TSGA10: variants seen among roughly 807,000 people sequenced by gnomAD.
TSGA10 encodes testis specific 10.
Under a neutral mutation model 96.6 loss-of-function variants are expected in TSGA10, and 43 were observed. The ratio of observed to expected loss-of-function variants is 0.44; its 90% confidence interval spans 0.35 to 0.57. TSGA10 has a LOEUF of 0.57. Ranked by LOEUF, TSGA10 falls within the 20% of genes least tolerant of loss-of-function variation. TSGA10 has a pLI of 0.01. For missense variants in TSGA10, 703 were observed against 834.4 expected, an observed-to-expected ratio of 0.84 and a Z score of 1.94; for synonymous variants, 229 against 269.9, an observed-to-expected ratio of 0.85 and a Z score of 1.48.
intron 11 of TSGA10, among the ~76,000 whole-genome samples, chr2:99,080,979 G>T (rs55790299): frequency 1.3e-5 from 2 of 152,082 alleles, no homozygotes; most frequent in Non-Finnish European, 2.9e-5. Context: ...AGCAGCTATG[G>T]ACAAGCTACA....
At chr2:99,110,768 A>T (rs2091734503) in intron 5 of TSGA10, 82 bp downstream of exon 5, 1 of 285,014 alleles carries the variant, frequency 3.5e-6, no homozygotes, top group Admixed American at 6.5e-5. Flanking sequence ...AAAACGTGTG[A>T]GAGCCAAAGA....
At chr2:99,022,301 G>A (rs943171810) in intron 17 of TSGA10, among the ~76,000 whole-genome samples, 5 of 134,250 alleles carry the variant, frequency 3.7e-5, no homozygotes, top group Non-Finnish European at 6.1e-5. Context: ...CTCCAGCCTC[G>A]GCCACTGAAG....
rs530893154 is a variant in TSGA10 at position 99,078,367 on chromosome 2, T to A, written c.882+292A>T. Among the ~76,000 whole-genome samples, 9 of 151,876 alleles carry A rather than the reference T, an allele frequency of 5.9e-5. No individual in the cohort carries two copies. In the East Asian group the frequency reaches 1.7e-3, roughly 29 times the overall value. ...GCTTTTAAGAAGAAATCAGTCTCAC[T>A]ACTTTATTGTCATGCTTTATATTTT... is the stretch of plus-strand genomic sequence containing the variant. On this transcript the variant is annotated intron_variant, in intron 12 of 20. Coordinates refer to ENST00000393483, the MANE Select transcript of TSGA10 (RefSeq NM_025244.4).
rs1255993135 is a variant in TSGA10 at position 98,997,940 on chromosome 2, G to C, written c.*257C>G. ...TACTCCAGATAGTGAACAGAATAGT[G>C]TTCAATAGTGAAGTAAGCAGATTTT... On this transcript the variant is annotated 3_prime_UTR_variant, in exon 21 of 21. Coordinates refer to ENST00000393483, the MANE Select transcript of TSGA10 (RefSeq NM_025244.4). The C allele has an allele frequency of 2.7e-6, 1 of 371,390 alleles. No homozygotes were observed. The highest frequency in any genetic ancestry group is 4.8e-6 in the Non-Finnish European group (1 of 208,740). 23.0% of individuals were successfully genotyped at this position (371,390 alleles called of 1,614,324 possible). A position where few individuals can be genotyped will look rare whatever the true frequency, so the allele number is the denominator to read the frequency against.
intron 13 of TSGA10, 148 bp downstream of exon 13, chr2:99,072,870 G>T: frequency 3.8e-6 from 2 of 522,552 alleles, no homozygotes; most frequent in Non-Finnish European, 6.9e-6. Flanking sequence ...CCCTCTTTTA[G>T]TTCCTTAGAC....
intron 16 of TSGA10, among the ~76,000 whole-genome samples, chr2:99,055,674 G>A (rs986018278): frequency 6.6e-6 from 1 of 151,820 alleles, no homozygotes; most frequent in African/African-American, 2.4e-5. Context: ...GAAAGAGAGA[G>A]GGAGAGAGAG....
chr2:99,072,416 G>T (rs1380679101), intron 13 of TSGA10, among the ~76,000 whole-genome samples: 1 of 152,112 alleles, frequency 6.6e-6, no homozygotes, highest in East Asian at 1.9e-4. Context: ...AGGTCCCAAA[G>T]GTTCTTCAAA....
intron 17 of TSGA10, among the ~76,000 whole-genome samples, chr2:99,023,190 G>A (rs1240345878): frequency 6.6e-6 from 1 of 152,000 alleles, no homozygotes; most frequent in Non-Finnish European, 1.5e-5. Context: ...TGTAGAGATG[G>A]GTTTTTGCCA....
In TSGA10 at chr2:99,108,848, G is replaced by A. The variant is rs771678959; in HGVS notation, c.195C>T (p.Phe65=). 10 of 1,572,736 alleles carry A rather than the reference G, an allele frequency of 6.4e-6. No individual in the cohort carries two copies. The highest frequency in any genetic ancestry group is 6.2e-5 in the Admixed American group (3 of 48,140). The stretch of plus-strand genomic sequence containing the variant: ...GTAAGTTTACCTGTTCATAAAGAAG[G>A]AAGATCTTGTCTCTCTCAGATTTAA... The part of the protein sequence containing the change: ...KVLKSERDKI[F]LLYEQAQEEI... The change falls in exon 7 of 21, where the codon TTC becomes TTT. Residue 65 remains phenylalanine (F), a synonymous_variant. Transcript: ENST00000393483.
At chr2:99,000,582 C>T (rs946863855) in intron 20 of TSGA10, among the ~76,000 whole-genome samples, 2 of 151,556 alleles carry the variant, frequency 1.3e-5, no homozygotes, top group Admixed American at 6.6e-5. Flanking sequence ...CAGCTCCCAG[C>T]GTAAGCGACA....
intron 20 of TSGA10, among the ~76,000 whole-genome samples, chr2:99,011,347 G>A (rs560444973): frequency 6.6e-6 from 1 of 152,106 alleles, no homozygotes; most frequent in East Asian, 1.9e-4. Flanking sequence ...GGCCAGGCTG[G>A]TCTTGAACTC....
At chr2:99,019,911 A>G (rs1358658335) in intron 18 of TSGA10, among the ~76,000 whole-genome samples, 1 of 152,212 alleles carries the variant, frequency 6.6e-6, no homozygotes, top group Non-Finnish European at 1.5e-5. Flanking sequence ...CAATAGGTAC[A>G]AAAGAAAATA....
intron 16 of TSGA10, among the ~76,000 whole-genome samples, chr2:99,057,290 T>C (rs980948906): frequency 6.6e-6 from 1 of 152,122 alleles, no homozygotes; most frequent in Non-Finnish European, 1.5e-5. Flanking sequence ...ACTATCTCTA[T>C]TCACAGATGA....
At chr2:99,136,008 C>CAAAA (rs2093310538) in intron 1 of TSGA10, among the ~76,000 whole-genome samples, 1 of 30,552 alleles carries the variant, frequency 3.3e-5, no homozygotes. Context: ...AGACTTCGTA[C>CAAAA]CAAAAAAAAA....
At chr2:99,006,609 C>A (rs1331616547) in intron 20 of TSGA10, among the ~76,000 whole-genome samples, 2 of 152,194 alleles carry the variant, frequency 1.3e-5, no homozygotes, top group Admixed American at 1.3e-4. Context: ...CATCTCACAC[C>A]AGTTATAATG....
At chr2:99,089,272 C>A (rs1407227676) in intron 10 of TSGA10, among the ~76,000 whole-genome samples, 1 of 152,190 alleles carries the variant, frequency 6.6e-6, no homozygotes, top group Non-Finnish European at 1.5e-5. Flanking sequence ...CCCAGGGAAG[C>A]CATCTCTGAC....
intron 1 of TSGA10, among the ~76,000 whole-genome samples, chr2:99,132,331 A>C (rs1387376280): frequency 6.6e-6 from 1 of 151,814 alleles, no homozygotes; most frequent in African/African-American, 2.4e-5. Flanking sequence ...CAGGAATTCA[A>C]CTTCTTCCTG....
intron 4 of TSGA10, among the ~76,000 whole-genome samples, chr2:99,116,249 A>G (rs1383750378): frequency 1.3e-5 from 2 of 152,240 alleles, no homozygotes; most frequent in Non-Finnish European, 2.9e-5. Context: ...TGGCCTTCAA[A>G]TATGCTCTAT....
intron 12 of TSGA10, among the ~76,000 whole-genome samples, chr2:99,078,054 G>A (rs1024901336): frequency 1.6e-4 from 24 of 150,932 alleles, no homozygotes; most frequent in African/African-American, 4.6e-4. Flanking sequence ...GGCGGATCAC[G>A]AGGTCAGGAG....
Sources: allele counts gnomAD v4.1 joint callset (sites outside exome capture counted in the v4.1 genomes callset), GRCh38; gene constraint gnomAD v4.1.1; transcripts MANE v1.5; gene names NCBI Gene and HGNC (gene_info 2026-07-23, HGNC 2026-07-21).